PPM1H: variants seen among roughly 807,000 people sequenced by gnomAD.
PPM1H encodes the protein protein phosphatase 1H.
In PPM1H, 27 loss-of-function variants were observed where a neutral mutation model predicts 54.9. That is an observed-to-expected ratio of 0.49 (90% CI 0.36 to 0.68). The LOEUF is 0.68. Ranked by LOEUF, PPM1H falls within the 30% of genes least tolerant of loss-of-function variation. The probability of loss-of-function intolerance (pLI) is 0.00; values close to 1 mark genes in which losing one functional copy is unlikely to be tolerated. For synonymous variants in PPM1H, 305 were observed against 270.8 expected (o/e 1.13, Z -1.24); for missense variants, 596 against 667.8 (o/e 0.89, Z 1.19).
At chr12:62,730,428 A>G (rs2076315012) in intron 5 of PPM1H, among the ~76,000 whole-genome samples, 1 of 152,178 alleles carries the variant, frequency 6.6e-6, no homozygotes, top group Admixed American at 6.5e-5. Context: ...AGTTGTTCCA[A>G]TTTCCACCCT....
intron 8 of PPM1H, among the ~76,000 whole-genome samples, chr12:62,669,700 G>A (rs2075943118): frequency 6.6e-6 from 1 of 152,100 alleles, no homozygotes; most frequent in African/African-American, 2.4e-5. Flanking sequence ...AGGAGGCCAA[G>A]GCAGGGGGAT....
intron 4 of PPM1H, among the ~76,000 whole-genome samples, chr12:62,767,502 G>A (rs1476442249): frequency 1.3e-5 from 2 of 152,294 alleles, no homozygotes; most frequent in Middle Eastern, 3.4e-3. Flanking sequence ...GCTTCATACA[G>A]TGTGTGTTCA....
rs553780049 is a variant in PPM1H at position 62,862,153 on chromosome 12, G to C, written c.246-29874C>G. On this transcript the variant is annotated intron_variant, in intron 1 of 9. Transcript: ENST00000228705. ...GAGAGCAAAGATCATGACAGACCCAGAGAGCGGGCTGCTGACCTAAAAAGG... is the reference window on the plus strand; with the variant it reads ...GAGAGCAAAGATCATGACAGACCCACAGAGCGGGCTGCTGACCTAAAAAGG... Among the ~76,000 whole-genome samples the C allele has an allele frequency of 6.6e-5, 10 of 152,282 alleles. No homozygotes were observed. The East Asian group carries it at 1.7e-3, about 26-fold the overall frequency.
At chr12:62,713,087 G>A (rs536844359) in intron 6 of PPM1H, among the ~76,000 whole-genome samples, 19 of 152,238 alleles carry the variant, frequency 1.2e-4, no homozygotes, top group African/African-American at 3.4e-4. Context: ...AACCCAACCT[G>A]GCAGCTCCAG....
chr12:62,696,110 G>C (rs192862072), intron 6 of PPM1H, among the ~76,000 whole-genome samples: 4 of 152,156 alleles, frequency 2.6e-5, no homozygotes, highest in Admixed American at 2.6e-4. Context: ...GTATTACCTA[G>C]AGCTTAATAG....
intron 8 of PPM1H, among the ~76,000 whole-genome samples, chr12:62,679,431 G>A (rs761998910): frequency 6.6e-6 from 1 of 152,188 alleles, no homozygotes; most frequent in Non-Finnish European, 1.5e-5. Flanking sequence ...ACTGGAGAGT[G>A]GATCAAGAAA....
intron 3 of PPM1H, among the ~76,000 whole-genome samples, chr12:62,796,204 T>C (rs1269893103): frequency 6.6e-6 from 1 of 152,226 alleles, no homozygotes; most frequent in Admixed American, 6.5e-5. Flanking sequence ...TGACCAAATG[T>C]GTGAGAGTTT....
chr12:62,769,646 C>T (rs759373475), intron 4 of PPM1H, among the ~76,000 whole-genome samples: 9 of 152,146 alleles, frequency 5.9e-5, no homozygotes, highest in Non-Finnish European at 1.2e-4. Context: ...TTTTTAACAG[C>T]GCCATGGGAA....
intron 4 of PPM1H, among the ~76,000 whole-genome samples, chr12:62,783,682 T>C (rs1437135791): frequency 6.6e-6 from 1 of 152,274 alleles, no homozygotes; most frequent in Non-Finnish European, 1.5e-5. Flanking sequence ...TGATCCTTTG[T>C]TATAGTATTT....
intron 6 of PPM1H, among the ~76,000 whole-genome samples, chr12:62,699,073 C>T (rs1292274192): frequency 6.6e-6 from 1 of 152,236 alleles, no homozygotes; most frequent in Non-Finnish European, 1.5e-5. Context: ...GCCAAGCTAA[C>T]CACACAAGGG....
intron 1 of PPM1H, chr12:62,840,182 C>T (rs1002122854): frequency 1.3e-5 from 2 of 152,076 alleles, no homozygotes; most frequent in Non-Finnish European, 2.9e-5. Context: ...TTCAAGATAT[C>T]AGCAAGTTTT....
At chr12:62,765,738 G>A (rs1001890952) in intron 4 of PPM1H, among the ~76,000 whole-genome samples, 2 of 152,218 alleles carry the variant, frequency 1.3e-5, no homozygotes, top group African/African-American at 2.4e-5. Context: ...GTGTCTGCCT[G>A]GGATGGGATG....
intron 5 of PPM1H, among the ~76,000 whole-genome samples, chr12:62,735,877 A>G (rs1295889017): frequency 6.6e-6 from 1 of 152,210 alleles, no homozygotes; most frequent in Non-Finnish European, 1.5e-5. Flanking sequence ...GGGGTCAGAG[A>G]TCAGAGAAAT....
intron 4 of PPM1H, among the ~76,000 whole-genome samples, chr12:62,768,973 G>A (rs1266063512): frequency 6.6e-6 from 1 of 152,126 alleles, no homozygotes; most frequent in Non-Finnish European, 1.5e-5. Flanking sequence ...AGACATGTTT[G>A]TTTTGCACAG....
intron 1 of PPM1H, among the ~76,000 whole-genome samples, chr12:62,899,642 C>T (rs1871098041): frequency 6.6e-6 from 1 of 152,276 alleles, no homozygotes; most frequent in East Asian, 1.9e-4. Context: ...GCCAGCTTTG[C>T]TGAGACAGAT....
At chr12:62,695,325 C>G (rs929580156) in intron 6 of PPM1H, among the ~76,000 whole-genome samples, 4 of 152,084 alleles carry the variant, frequency 2.6e-5, no homozygotes, top group African/African-American at 9.7e-5. Context: ...TAGATGTGCT[C>G]TCAGTCCCTC....
At chr12:62,850,360 T>C (rs811776) in intron 1 of PPM1H, among the ~76,000 whole-genome samples, 19,737 of 152,142 alleles carry the variant, frequency 0.13, 1,396 homozygotes, top group African/African-American at 0.19. Flanking sequence ...AATTTAGTTT[T>C]AAACTTTCAA....
intron 6 of PPM1H, among the ~76,000 whole-genome samples, chr12:62,701,817 C>T (rs1268619699): frequency 6.6e-6 from 1 of 152,144 alleles, no homozygotes; most frequent in Admixed American, 6.5e-5. Context: ...GTCTGGCGTT[C>T]TCTGCTCCTG....
chr12:62,903,744 T>C (rs1397542772), intron 1 of PPM1H, among the ~76,000 whole-genome samples: 1 of 150,722 alleles, frequency 6.6e-6, no homozygotes, highest in Admixed American at 6.6e-5. Context: ...GGGAGTGGGG[T>C]GGGGGTCTAA....
Sources: gnomAD v4.1 joint callset for allele counts (sites outside exome capture counted in the v4.1 genomes callset) on GRCh38, gnomAD v4.1.1 for gene constraint, MANE v1.5 for transcripts, NCBI Gene and HGNC (gene_info 2026-07-23, HGNC 2026-07-21) for gene names.